Variants in IGSF10 observed in about 807,000 individuals in gnomAD.
The protein encoded by IGSF10 is immunoglobulin superfamily member 10.
Under a neutral mutation model 128.2 loss-of-function variants are expected in IGSF10, and 126 were observed. That is an observed-to-expected ratio of 0.98 (90% CI 0.85 to 1.14). The LOEUF (loss-of-function observed/expected upper bound fraction) is 1.14. Ranked by LOEUF, IGSF10 falls within the 50% of genes most tolerant of loss-of-function variation. IGSF10 has a pLI of 0.00. For synonymous variants in IGSF10, 1,185 were observed against 1,146.2 expected (o/e 1.03, Z -0.68); for missense variants, 3,295 against 3,149.8 (o/e 1.05, Z -1.10).
the IGSF10 span, among the ~76,000 whole-genome samples, chr3:151,544,508 TA>T: frequency 5.3e-5 from 8 of 152,298 alleles, no homozygotes; most frequent in African/African-American, 1.9e-4. Context: ...TTTGATGGCT[TA>T]AAAATTCTAA....
the IGSF10 span, among the ~76,000 whole-genome samples, chr3:151,469,601 C>T: frequency 6.6e-6 from 1 of 152,088 alleles, no homozygotes; most frequent in South Asian, 2.1e-4. Flanking sequence ...CTGTAATACC[C>T]CTGATCTCTC....
chr3:151,591,019 A>C, the IGSF10 span, among the ~76,000 whole-genome samples: 1 of 152,112 alleles, frequency 6.6e-6, no homozygotes, highest in African/African-American at 2.4e-5. Context: ...GAACTGGAGA[A>C]AGGGAGGCTA....
the IGSF10 span, among the ~76,000 whole-genome samples, chr3:151,507,254 C>T: frequency 4.0e-3 from 616 of 152,228 alleles, 2 homozygotes; most frequent in African/African-American, 0.014. Flanking sequence ...CTGATGGACT[C>T]AGAATGGCCC....
At chr3:151,593,268 A>G in the IGSF10 span, among the ~76,000 whole-genome samples, 1 of 152,240 alleles carries the variant, frequency 6.6e-6, no homozygotes, top group African/African-American at 2.4e-5. Flanking sequence ...ACAGACAACC[A>G]TACCTGGCTA....
At chr3:151,562,848 A>G in the IGSF10 span, among the ~76,000 whole-genome samples, 2 of 152,160 alleles carry the variant, frequency 1.3e-5, no homozygotes, top group Non-Finnish European at 2.9e-5. Flanking sequence ...CATACAGGGC[A>G]GTCAGGGAGT....
the IGSF10 span, among the ~76,000 whole-genome samples, chr3:151,497,910 T>C: frequency 2.1e-4 from 32 of 152,336 alleles, no homozygotes; most frequent in Admixed American, 1.8e-3. Flanking sequence ...TTAAGTTGGA[T>C]TCCTAGGTAT....
Position 151,437,815 on chromosome 3 carries a change from GCTTTAATAACAGTTC to G in IGSF10, c.6731_6745del (p.Arg2244_Ala2249delinsThr). 2 of 1,613,848 alleles carry G rather than the reference GCTTTAATAACAGTTC, an allele frequency of 1.2e-6. No homozygotes were observed. The highest frequency in any genetic ancestry group is 1.7e-6 in the Non-Finnish European group (2 of 1,179,968). On this transcript the variant is annotated inframe_deletion, in exon 8 of 8. Transcript: ENST00000282466. ...TTTTTTGGAATGTCTCACAGCTGTGGCTTTAATAACAGTTCTGTTTGTATACAGACCATTGATTAA... is the reference window on the plus strand; with the variant it reads ...TTTTTTGGAATGTCTCACAGCTGTGGTGTTTGTATACAGACCATTGATTAA...
chr3:151,571,652 C>T, the IGSF10 span, among the ~76,000 whole-genome samples: 1 of 152,196 alleles, frequency 6.6e-6, no homozygotes, highest in South Asian at 2.1e-4. Context: ...AATATGCAAT[C>T]ATGTCATCTG....
intron 4 of IGSF10, among the ~76,000 whole-genome samples, chr3:151,454,458 G>A (rs748657936): frequency 2.0e-4 from 31 of 152,208 alleles, no homozygotes; most frequent in African/African-American, 4.6e-4. Context: ...TGAATGGAGC[G>A]GAGAATAGTG....
chr3:151,437,452 A>G lies in IGSF10; in HGVS notation c.7109T>C (p.Ile2370Thr), dbSNP rs150454623. 45 of 1,614,072 alleles carry G rather than the reference A, an allele frequency of 2.8e-5. No homozygotes were observed. The African/African-American group carries it at 5.3e-4, about 19-fold the overall frequency. The part of the protein sequence containing the change: ...SVDGNPPPEI[I>T]WILPNGTRFS... The stretch of plus-strand genomic sequence containing the variant: ...TCGTGTGCCATTTGGTAAAATCCAG[A>G]TTATTTCAGGTGGTGGGTTACCATC... The change falls in exon 8 of 8, where the codon ATC becomes ACC. Residue 2370 changes from isoleucine (I) to threonine (T), a missense_variant. Transcript: ENST00000282466.
intron 5 of IGSF10, among the ~76,000 whole-genome samples, chr3:151,452,751 T>G (rs1285569835): frequency 6.6e-6 from 1 of 151,922 alleles, no homozygotes; most frequent in East Asian, 1.9e-4. Flanking sequence ...TATAACCAAA[T>G]GTTATCCATT....
chr3:151,533,788 G>C, the IGSF10 span, among the ~76,000 whole-genome samples: 1 of 152,142 alleles, frequency 6.6e-6, no homozygotes, highest in Non-Finnish European at 1.5e-5. Flanking sequence ...GGCAACAAAA[G>C]CCAAAATTGA....
At chr3:151,580,026 G>A in the IGSF10 span, among the ~76,000 whole-genome samples, 1 of 152,028 alleles carries the variant, frequency 6.6e-6, no homozygotes, top group Non-Finnish European at 1.5e-5. Flanking sequence ...AATAAGAATT[G>A]CAACAGACTT....
the IGSF10 span, among the ~76,000 whole-genome samples, chr3:151,516,551 A>T: frequency 2.0e-5 from 3 of 152,042 alleles, no homozygotes; most frequent in Non-Finnish European, 4.4e-5. Context: ...GTTGCCTCAT[A>T]ATCAGTCAGA....
At chr3:151,500,272 A>G in the IGSF10 span, among the ~76,000 whole-genome samples, 1 of 152,100 alleles carries the variant, frequency 6.6e-6, no homozygotes, top group Non-Finnish European at 1.5e-5. Flanking sequence ...TTAGGAAAAG[A>G]GAATGAATCA....
the IGSF10 span, among the ~76,000 whole-genome samples, chr3:151,572,949 A>T: frequency 2.0e-4 from 30 of 152,298 alleles, no homozygotes; most frequent in African/African-American, 7.0e-4. Context: ...ATTGGTTTCA[A>T]AAAACATCTT....
chr3:151,553,653 A>G, the IGSF10 span, among the ~76,000 whole-genome samples: 1 of 151,290 alleles, frequency 6.6e-6, no homozygotes, highest in East Asian at 1.9e-4. Context: ...TACAATATAT[A>G]TTTACAATAT....
the IGSF10 span, among the ~76,000 whole-genome samples, chr3:151,596,460 A>G: frequency 6.9e-6 from 1 of 145,312 alleles, no homozygotes; most frequent in Admixed American, 7.0e-5. Context: ...AATTCAAAAC[A>G]AAGATATTAT....
chr3:151,436,398 G>GTACAT lies in IGSF10; in HGVS notation c.*286_*290dup. Reference sequence around the variant, plus strand: ...TTCATTTTTTTACTGAAAAATTCAGGTACATTAGCCATTTGTTATTTTATA... The same window carrying GTACAT: ...TTCATTTTTTTACTGAAAAATTCAGGTACATTACATTAGCCATTTGTTATTTTATA... On this transcript the variant is annotated 3_prime_UTR_variant, in exon 8 of 8. Coordinates refer to ENST00000282466, the MANE Select transcript of IGSF10 (RefSeq NM_178822.5). The GTACAT allele has an allele frequency of 4.1e-6, 1 of 245,798 alleles. No homozygotes were observed. Among genetic ancestry groups the GTACAT allele is most frequent in the Non-Finnish European group, 7.8e-6 (1 of 128,026 alleles). The allele number at this position is 245,798 out of a possible 1,614,324, so 15.2% of individuals were successfully genotyped here.
Sources: gnomAD v4.1 joint callset for allele counts (sites outside exome capture counted in the v4.1 genomes callset) on GRCh38, gnomAD v4.1.1 for gene constraint, MANE v1.5 for transcripts, NCBI Gene and HGNC (gene_info 2026-07-23, HGNC 2026-07-21) for gene names.